IL1RAPL2: variants seen among roughly 807,000 people sequenced by gnomAD.
IL1RAPL2 encodes the protein X-linked interleukin-1 receptor accessory protein-like 2.
Under a neutral mutation model 44.1 loss-of-function variants are expected in IL1RAPL2, and 3 were observed. That is an observed-to-expected ratio of 0.07 (90% CI 0.03 to 0.18). The LOEUF is 0.18. Ranked by LOEUF, IL1RAPL2 falls within the 10% of genes least tolerant of loss-of-function variation. IL1RAPL2 has a pLI of 1.00. For missense variants in IL1RAPL2, 391 were observed against 496.4 expected (o/e 0.79, Z 2.02); for synonymous variants, 181 against 178.8 (o/e 1.01, Z -0.10).
intron 5 of IL1RAPL2, among the ~76,000 whole-genome samples, chrX:105,284,644 C>A (rs897863662): frequency 1.8e-5 from 2 of 111,801 alleles, no homozygotes; most frequent in Admixed American, 9.5e-5. Context: ...TTATAATTTT[C>A]TTTATCTTAT....
At chrX:105,540,770 A>AATAT (rs1192923957) in intron 6 of IL1RAPL2, among the ~76,000 whole-genome samples, 1 of 82,151 alleles carries the variant, frequency 1.2e-5, no homozygotes, top group African/African-American at 4.5e-5. Flanking sequence ...TGCTTCTTGG[A>AATAT]ATATATATAT....
chrX:105,033,596 G>T (rs1036321767), intron 2 of IL1RAPL2, among the ~76,000 whole-genome samples: 12 of 110,643 alleles, frequency 1.1e-4, no homozygotes, highest in African/African-American at 3.9e-4. Flanking sequence ...GCGATCAGCC[G>T]TTAGTCTGAT....
At chrX:104,722,225 C>A (rs1931693122) in intron 2 of IL1RAPL2, among the ~76,000 whole-genome samples, 1 of 111,109 alleles carries the variant, frequency 9.0e-6, no homozygotes, top group Non-Finnish European at 1.9e-5. Context: ...TGAAAGCAGC[C>A]ATGAATGATA....
chrX:105,410,915 C>A (rs1341760803), intron 5 of IL1RAPL2, among the ~76,000 whole-genome samples: 2 of 111,397 alleles, frequency 1.8e-5, no homozygotes, highest in African/African-American at 3.3e-5. Flanking sequence ...TATTTCAGTC[C>A]TCTAGTATGA....
chrX:105,332,946 C>T (rs1030174661), intron 5 of IL1RAPL2, among the ~76,000 whole-genome samples: 5 of 111,434 alleles, frequency 4.5e-5, no homozygotes, highest in African/African-American at 1.3e-4. Flanking sequence ...CTACTCAAAG[C>T]AATCTACAGA....
In IL1RAPL2 at chrX:104,942,018, G is replaced by A. The variant is rs183382071; in HGVS notation, c.83-253457G>A. ...AAAGATCAGATGGTTGTAGATGTGT[G>A]GTATTATTTCTGAGGTCTCTGTTCT... On this transcript the variant is annotated intron_variant, in intron 2 of 10. Transcript: ENST00000372582. 4.6e-3 allele frequency among the ~76,000 whole-genome samples: 513 copies of A among 111,212 alleles called. 2 individuals carry two copies. The highest frequency in any genetic ancestry group is 0.016 in the African/African-American group (481 of 30,560).
chrX:104,973,458 T>G (rs745725748), intron 2 of IL1RAPL2, among the ~76,000 whole-genome samples: 1 of 111,345 alleles, frequency 9.0e-6, no homozygotes, highest in Non-Finnish European at 1.9e-5. Context: ...AACAAAACAC[T>G]TTAGCATCTG....
At chrX:104,882,771 T>C (rs1348230914) in intron 2 of IL1RAPL2, among the ~76,000 whole-genome samples, 1 of 111,754 alleles carries the variant, frequency 8.9e-6, no homozygotes, top group Non-Finnish European at 1.9e-5. Context: ...TTCGCTCTTC[T>C]CAGTAAATCT....
At chrX:105,169,553 G>A (rs1365207983) in intron 2 of IL1RAPL2, among the ~76,000 whole-genome samples, 1 of 81,646 alleles carries the variant, frequency 1.2e-5, no homozygotes, top group African/African-American at 5.3e-5. Flanking sequence ...CACCCAGGCT[G>A]GAGTGCAGTG....
chrX:105,598,251 C>T (rs2037226146), intron 6 of IL1RAPL2, among the ~76,000 whole-genome samples: 2 of 110,334 alleles, frequency 1.8e-5, no homozygotes, highest in African/African-American at 6.6e-5. Flanking sequence ...AAAACACACA[C>T]ACACAAAAAA....
chrX:104,578,646 T>C (rs1399637266), intron 1 of IL1RAPL2, among the ~76,000 whole-genome samples: 1 of 111,096 alleles, frequency 9.0e-6, no homozygotes, highest in African/African-American at 3.3e-5. Flanking sequence ...AGCATTTCAG[T>C]TGTGCAAATA....
chrX:104,847,890 C>T (rs1291532100), intron 2 of IL1RAPL2, among the ~76,000 whole-genome samples: 3 of 110,942 alleles, frequency 2.7e-5, no homozygotes, highest in Non-Finnish European at 3.8e-5. Flanking sequence ...TTGTAGTTCT[C>T]CTTGAAGAGG....
At chrX:104,659,937 C>G (rs1175128962) in intron 2 of IL1RAPL2, among the ~76,000 whole-genome samples, 1 of 111,676 alleles carries the variant, frequency 9.0e-6, no homozygotes, top group Non-Finnish European at 1.9e-5. Flanking sequence ...AGAATACTTA[C>G]TAATTGAAAT....
intron 2 of IL1RAPL2, among the ~76,000 whole-genome samples, chrX:104,781,064 G>GT (rs766227291): frequency 1.8e-4 from 15 of 84,980 alleles, no homozygotes; most frequent in African/African-American, 5.5e-4. Context: ...ACTTTACTTA[G>GT]TTTTATTTTT....
Position 105,081,639 on chromosome X carries a change from A to C in IL1RAPL2, c.83-113836A>C, listed in dbSNP as rs1386270149. Among the ~76,000 whole-genome samples the C allele has an allele frequency of 4.5e-5, 5 of 111,787 alleles. No homozygotes were observed. The South Asian group carries it at 1.5e-3, about 33-fold the overall frequency. ...TGTCATAAATAGTTATTATTTTGAG[A>C]TACATTCCATCAATACCTAGTTTGT... On this transcript the variant is annotated intron_variant, in intron 2 of 10. Coordinates refer to ENST00000372582, the MANE Select transcript of IL1RAPL2 (RefSeq NM_017416.2).
At chrX:105,118,820 G>A (rs1209672573) in intron 2 of IL1RAPL2, among the ~76,000 whole-genome samples, 2 of 112,086 alleles carry the variant, frequency 1.8e-5, no homozygotes, top group Non-Finnish European at 3.8e-5. Context: ...ATGTGCCATA[G>A]CTCAAAAAAC....
Position 104,789,007 on chromosome X carries a change from G to A in IL1RAPL2, c.82+130012G>A, listed in dbSNP as rs773497533. Among the ~76,000 whole-genome samples the A allele has an allele frequency of 6.3e-5, 7 of 111,959 alleles. No individual in the cohort carries two copies. In the East Asian group the frequency reaches 2.0e-3, roughly 31 times the overall value. On this transcript the variant is annotated intron_variant, in intron 2 of 10. Coordinates refer to ENST00000372582, the MANE Select transcript of IL1RAPL2 (RefSeq NM_017416.2). ...GTGAGAAGTAAATTAGATAATATAT[G>A]TAAATGCATGAAGCATATATTAAGT...
At chrX:105,025,088 T>C (rs913189271) in intron 2 of IL1RAPL2, among the ~76,000 whole-genome samples, 4 of 110,945 alleles carry the variant, frequency 3.6e-5, no homozygotes, top group Admixed American at 2.9e-4. Context: ...TCTTTTAAGA[T>C]ACCTTTTTTT....
At chrX:104,975,757 T>C (rs2030321187) in intron 2 of IL1RAPL2, among the ~76,000 whole-genome samples, 1 of 112,169 alleles carries the variant, frequency 8.9e-6, no homozygotes, top group African/African-American at 3.2e-5. Flanking sequence ...CTCCAGGTGG[T>C]ACTGGTTGGG....
Sources: allele counts gnomAD v4.1 joint callset (sites outside exome capture counted in the v4.1 genomes callset), GRCh38; gene constraint gnomAD v4.1.1; transcripts MANE v1.5; gene names NCBI Gene and HGNC (gene_info 2026-07-23, HGNC 2026-07-21).